Variants in GLCCI1 observed in about 807,000 individuals in gnomAD.
The protein encoded by GLCCI1 is glucocorticoid induced 1.
Under a neutral mutation model 52.2 loss-of-function variants are expected in GLCCI1, and 24 were observed. That is an observed-to-expected ratio of 0.46 (90% CI 0.33 to 0.65). The LOEUF (loss-of-function observed/expected upper bound fraction) is 0.65, where lower values mean the gene tolerates loss of function less well. GLCCI1 is among the 30% of genes least tolerant of loss of function. The pLI, the probability that GLCCI1 is intolerant of heterozygous loss-of-function variation, is 0.02. For synonymous variants in GLCCI1, 310 were observed against 276.5 expected, an observed-to-expected ratio of 1.12 and a Z score of -1.20; for missense variants, 704 against 701.5, an observed-to-expected ratio of 1.00 and a Z score of -0.04.
intron 2 of GLCCI1, among the ~76,000 whole-genome samples, chr7:8,015,675 A>G (rs1336426232): frequency 6.6e-6 from 1 of 152,212 alleles, no homozygotes; most frequent in Non-Finnish European, 1.5e-5. Context: ...TGCTAAAGGA[A>G]TATACTCAGT....
At chr7:7,971,270 G>A (rs945614198) in intron 1 of GLCCI1, among the ~76,000 whole-genome samples, 9 of 152,154 alleles carry the variant, frequency 5.9e-5, no homozygotes, top group African/African-American at 2.2e-4. Context: ...CAACGTGATC[G>A]CCCTAATAAT....
intron 3 of GLCCI1, among the ~76,000 whole-genome samples, chr7:8,038,911 C>A (rs567958381): frequency 2.6e-5 from 4 of 151,330 alleles, no homozygotes; most frequent in Non-Finnish European, 5.9e-5. Flanking sequence ...AACAATGCAA[C>A]AAGAAAAAAA....
chr7:8,055,325 T>A, intron 3 of GLCCI1, 108 bp from the exon 4 acceptor site: 1 of 567,508 alleles, frequency 1.8e-6, no homozygotes, highest in Non-Finnish European at 3.0e-6. Flanking sequence ...TGTCTCTTCT[T>A]AGAAACTTGA....
chr7:8,085,837 C>T (rs1160406950), intron 7 of GLCCI1, among the ~76,000 whole-genome samples: 2 of 152,168 alleles, frequency 1.3e-5, no homozygotes, highest in African/African-American at 4.8e-5. Context: ...TGCCCCCTGC[C>T]TCTGGTATAC....
intron 3 of GLCCI1, among the ~76,000 whole-genome samples, chr7:8,038,472 T>C (rs1474547656): frequency 6.6e-6 from 1 of 152,186 alleles, no homozygotes; most frequent in Non-Finnish European, 1.5e-5. Flanking sequence ...GTCAACTGAT[T>C]TTTGACAAAG....
intron 2 of GLCCI1, among the ~76,000 whole-genome samples, chr7:8,009,597 A>G (rs868318733): frequency 5.9e-5 from 9 of 152,204 alleles, no homozygotes; most frequent in Non-Finnish European, 1.0e-4. Context: ...GAACTGGTGC[A>G]TTCTCTCTGA....
At chr7:8,060,822 C>A (rs967724282) in intron 5 of GLCCI1, among the ~76,000 whole-genome samples, 2 of 152,130 alleles carry the variant, frequency 1.3e-5, no homozygotes, top group African/African-American at 4.8e-5. Context: ...GTTTGCATTT[C>A]TCTTGGGTAT....
intron 3 of GLCCI1, chr7:8,024,907 A>G (rs1380298547): frequency 6.6e-6 from 1 of 152,224 alleles, no homozygotes; most frequent in East Asian, 1.9e-4. Context: ...TCAGGATGAA[A>G]ACCAGCAGCT....
chr7:7,983,370 G>C (rs1313158709), intron 1 of GLCCI1, among the ~76,000 whole-genome samples: 1 of 152,076 alleles, frequency 6.6e-6, no homozygotes, highest in Non-Finnish European at 1.5e-5. Flanking sequence ...TAAATGTATA[G>C]TGCAGTAGCT....
intron 1 of GLCCI1, among the ~76,000 whole-genome samples, chr7:7,990,074 A>G (rs1780809103): frequency 6.6e-6 from 1 of 152,130 alleles, no homozygotes; most frequent in Admixed American, 6.6e-5. Flanking sequence ...CACTGGAGCT[A>G]TCTGGCTTGG....
chr7:7,971,130 G>A (rs919586715), intron 1 of GLCCI1, among the ~76,000 whole-genome samples: 2 of 152,148 alleles, frequency 1.3e-5, no homozygotes, highest in Non-Finnish European at 2.9e-5. Flanking sequence ...ATGAGTACAT[G>A]AGCAGCAAGA....
chr7:8,005,519 AACTTAAATGATTTATT>A (rs1444618732), intron 2 of GLCCI1, among the ~76,000 whole-genome samples: 1 of 152,204 alleles, frequency 6.6e-6, no homozygotes, highest in African/African-American at 2.4e-5. Flanking sequence ...TCACTCAGGG[AACTTAAATGATTTATT>A]TAGGAGCATA....
chr7:8,071,155 G>T, intron 6 of GLCCI1, 24 bp downstream of exon 6: 3 of 1,594,724 alleles, frequency 1.9e-6, no homozygotes, highest in Non-Finnish European at 2.6e-6. Context: ...TGTCCACTTA[G>T]AGGGTTTGTT....
chr7:7,982,061 G>A, intron 1 of GLCCI1: 1 of 468,650 alleles, frequency 2.1e-6, no homozygotes, highest in Non-Finnish European at 4.2e-6. Context: ...TAAAAAGAGA[G>A]ACCGAACTCA....
intron 3 of GLCCI1, among the ~76,000 whole-genome samples, chr7:8,024,256 G>T (rs948322898): frequency 6.6e-6 from 1 of 152,042 alleles, no homozygotes; most frequent in Non-Finnish European, 1.5e-5. Context: ...ACTTATGATT[G>T]TATTACATTT....
In GLCCI1 at chr7:7,972,298, C is replaced by T. The variant is rs114861317; in HGVS notation, c.457+2491C>T. On this transcript the variant is annotated intron_variant, in intron 1 of 7. Transcript: ENST00000223145. ...CATTTCTTCCTCTGCTCTCCACCTCCTCCTTTTTCTGCACACTTCAGTGTA... is the reference window on the plus strand; with the variant it reads ...CATTTCTTCCTCTGCTCTCCACCTCTTCCTTTTTCTGCACACTTCAGTGTA... Among the ~76,000 whole-genome samples, 1,328 of 152,152 alleles carry T rather than the reference C, an allele frequency of 8.7e-3. 20 individuals carry two copies. The highest frequency in any genetic ancestry group is 0.03 in the African/African-American group (1,241 of 41,508).
chr7:8,069,681 G>A (rs1049707938), intron 5 of GLCCI1, among the ~76,000 whole-genome samples: 24 of 152,326 alleles, frequency 1.6e-4, no homozygotes, highest in African/African-American at 5.3e-4. Context: ...AAGGGCAGCA[G>A]GGGCAGAACT....
chr7:8,056,404 G>T (rs574981773), intron 4 of GLCCI1, among the ~76,000 whole-genome samples: 1 of 152,102 alleles, frequency 6.6e-6, no homozygotes, highest in Non-Finnish European at 1.5e-5. Flanking sequence ...GAGCAACTAT[G>T]CACATTATCT....
intron 1 of GLCCI1, among the ~76,000 whole-genome samples, chr7:7,995,246 A>G (rs577596633): frequency 1.5e-4 from 23 of 152,312 alleles, no homozygotes; most frequent in Non-Finnish European, 2.6e-4. Flanking sequence ...GTGTTTGACC[A>G]GTAATATTAG....
Sources: allele counts gnomAD v4.1 joint callset (sites outside exome capture counted in the v4.1 genomes callset), GRCh38; gene constraint gnomAD v4.1.1; transcripts MANE v1.5; gene names NCBI Gene and HGNC (gene_info 2026-07-23, HGNC 2026-07-21).